DDX4: variants seen among roughly 807,000 people sequenced by gnomAD.
DDX4 encodes DEAD-box helicase 4, also known as probable ATP-dependent RNA helicase DDX4.
DDX4 carries 25 observed loss-of-function variants against 100.0 expected under a neutral mutation model. That is an observed-to-expected ratio of 0.25 (90% confidence interval 0.18 to 0.35). The LOEUF is 0.35. Ranked by LOEUF, DDX4 falls within the 10% of genes least tolerant of loss-of-function variation. The pLI is 1.00. For synonymous variants in DDX4, 259 were observed against 275.7 expected (o/e 0.94, Z 0.60); for missense variants, 635 against 882.4 (o/e 0.72, Z 3.55).
intron 17 of DDX4, among the ~76,000 whole-genome samples, chr5:55,796,930 C>T (rs942774634): frequency 7.0e-6 from 1 of 142,804 alleles, no homozygotes; most frequent in Non-Finnish European, 1.5e-5. Flanking sequence ...CCACCTTGAC[C>T]TCCCTGGCTG....
chr5:55,816,351 A>G, intron 21 of DDX4, 112 bp from the exon 22 acceptor site: 1 of 1,425,492 alleles, frequency 7.0e-7, no homozygotes, highest in South Asian at 1.6e-5. Flanking sequence ...TTTGGGGAAG[A>G]CATGGTAGAT....
At chr5:55,770,479 T>C (rs970677205) in intron 7 of DDX4, among the ~76,000 whole-genome samples, 1 of 152,338 alleles carries the variant, frequency 6.6e-6, no homozygotes, top group Admixed American at 6.5e-5. Context: ...TGGGCAGTCA[T>C]GTTAAAATAG....
chr5:55,738,908 C>G, intron 1 of DDX4, 42 bp from the exon 2 acceptor site: 1 of 1,037,320 alleles, frequency 9.6e-7, no homozygotes, highest in Non-Finnish European at 1.5e-6. Flanking sequence ...TGATTCTGAT[C>G]TAATTGAGTC....
chr5:55,793,225 G>A (rs1280022661), intron 17 of DDX4, among the ~76,000 whole-genome samples: 5 of 152,118 alleles, frequency 3.3e-5, no homozygotes, highest in Admixed American at 2.6e-4. Context: ...GCAGATATTT[G>A]AGGATCATGT....
At chr5:55,779,941 T>C (rs780334155) in intron 7 of DDX4, 23 bp from the exon 8 acceptor site, 4 of 1,608,210 alleles carry the variant, frequency 2.5e-6, no homozygotes, top group Middle Eastern at 1.7e-4. Flanking sequence ...TGTGTTGTTC[T>C]TGTGTGTGTT....
At position 55,746,151 on chromosome 5, in the gene DDX4, T is replaced by G. The variant is rs187345413; in HGVS notation, c.70-13T>G. 6 of 1,590,726 alleles carry G rather than the reference T, an allele frequency of 3.8e-6. No individual in the cohort carries two copies. In the East Asian group the frequency reaches 1.1e-4, roughly 30 times the overall value. On this transcript the variant is annotated splice_polypyrimidine_tract_variant and intron_variant, in intron 2 of 21. Transcript: ENST00000505374. ...AAGTAGGAAACTAGTTTTTTCTTTCTTCTTTCTCACAGGATAGGTATTCTG... is the reference window on the plus strand; with the variant it reads ...AAGTAGGAAACTAGTTTTTTCTTTCGTCTTTCTCACAGGATAGGTATTCTG...
chr5:55,752,248 A>G (rs901191763), intron 3 of DDX4, among the ~76,000 whole-genome samples: 2 of 150,898 alleles, frequency 1.3e-5, no homozygotes, highest in Non-Finnish European at 3.0e-5. Context: ...TTAGTTACAT[A>G]TGTATACATG....
At chr5:55,762,935 A>G (rs1177053178) in intron 4 of DDX4, among the ~76,000 whole-genome samples, 1 of 152,138 alleles carries the variant, frequency 6.6e-6, no homozygotes. Context: ...GGTCTCCAAT[A>G]TAATACCAAC....
At chr5:55,788,054 T>C (rs1024380553) in intron 15 of DDX4, 54 bp downstream of exon 15, 24 of 1,503,026 alleles carry the variant, frequency 1.6e-5, no homozygotes, top group Admixed American at 2.2e-5. Flanking sequence ...GAGATTTTTT[T>C]CCCCTCACTT....
Position 55,739,014 on chromosome 5 carries a change from T to C in DDX4, c.51T>C (p.Tyr17=). The part of the protein sequence containing the change: ...EAEINPHMSS[Y]VPIFEKDRYS... ...AAATCAACCCTCATATGTCTTCCTA[T>C]GTTCCCATATTTGAGAAGGTAATAA... Residue 17 remains tyrosine (Y), a synonymous_variant, in exon 2 of 22, where the codon TAT becomes TAC. Coordinates refer to ENST00000505374, the MANE Select transcript of DDX4 (RefSeq NM_024415.3). 6.3e-7 allele frequency: 1 copy of C among 1,596,714 alleles called. No homozygotes were observed. Among genetic ancestry groups the C allele is most frequent in the African/African-American group, 1.3e-5 (1 of 74,680 alleles).
chr5:55,760,328 A>G, intron 4 of DDX4, 51 bp downstream of exon 4: 1 of 1,490,978 alleles, frequency 6.7e-7, no homozygotes. Flanking sequence ...ATAATTGGAT[A>G]TATAGAGGCT....
chr5:55,747,051 C>T (rs746076707), intron 3 of DDX4, among the ~76,000 whole-genome samples: 6 of 151,984 alleles, frequency 3.9e-5, no homozygotes, highest in African/African-American at 7.2e-5. Flanking sequence ...TGAGGTCATT[C>T]GAGACCAGCT....
chr5:55,747,208 C>G (rs2111612884), intron 3 of DDX4, among the ~76,000 whole-genome samples: 1 of 152,168 alleles, frequency 6.6e-6, no homozygotes, highest in South Asian at 2.1e-4. Context: ...TGGTGAAACC[C>G]CGTCTCTACT....
At chr5:55,800,440 C>T (rs1363070751) in intron 18 of DDX4, among the ~76,000 whole-genome samples, 2 of 151,812 alleles carry the variant, frequency 1.3e-5, no homozygotes, top group Non-Finnish European at 2.9e-5. Flanking sequence ...TCTCCTGCCT[C>T]AGCCTCCTGA....
intron 17 of DDX4, among the ~76,000 whole-genome samples, chr5:55,793,399 A>AT (rs946637914): frequency 3.9e-5 from 6 of 152,036 alleles, no homozygotes; most frequent in South Asian, 2.1e-4. Flanking sequence ...AGATTTTATG[A>AT]TTTTTTTACT....
chr5:55,803,768 A>G (rs983039179), intron 18 of DDX4, among the ~76,000 whole-genome samples: 2 of 151,930 alleles, frequency 1.3e-5, no homozygotes, highest in African/African-American at 4.8e-5. Flanking sequence ...GCTATTGTGA[A>G]TAGTGCCTCA....
At position 55,796,908 on chromosome 5, in the gene DDX4, C is replaced by T. The variant is rs189782624; in HGVS notation, c.1470-1518C>T. Among the ~76,000 whole-genome samples the T allele has an allele frequency of 1.4e-4, 18 of 129,642 alleles. No individual in the cohort carries two copies. The East Asian group carries it at 4.4e-3, about 32-fold the overall frequency. 85.1% of individuals were successfully genotyped at this position (129,642 alleles called of 152,430 possible). A position where few individuals can be genotyped will look rare whatever the true frequency, so the allele number is the denominator to read the frequency against. On this transcript the variant is annotated intron_variant, in intron 17 of 21. Transcript: ENST00000505374. ...CCAGGCTGAAGTTCAGAGGCACAAT[C>T]ATGGTTCACTGCCACCTTGACCTCC...
At chr5:55,759,903 A>G (rs1258956217) in intron 3 of DDX4, among the ~76,000 whole-genome samples, 2 of 152,122 alleles carry the variant, frequency 1.3e-5, no homozygotes, top group Non-Finnish European at 2.9e-5. Flanking sequence ...AAATTTATTT[A>G]TTTTGTTATT....
At position 55,765,810 on chromosome 5, in the gene DDX4, A is replaced by G. The variant is rs184863637; in HGVS notation, c.334+1746A>G. On this transcript the variant is annotated intron_variant, in intron 6 of 21. Coordinates refer to ENST00000505374, the MANE Select transcript of DDX4 (RefSeq NM_024415.3). ...CCAGGTACATACTTTATGTGTTGTT[A>G]TTATTATTTTTCGAGACGGAGTCTC... Among the ~76,000 whole-genome samples the G allele has an allele frequency of 9.1e-3, 1,379 of 151,978 alleles. 5 individuals carry two copies. The highest frequency in any genetic ancestry group is 0.013 in the Non-Finnish European group (903 of 67,936).
Sources: allele counts gnomAD v4.1 joint callset (sites outside exome capture counted in the v4.1 genomes callset), GRCh38; gene constraint gnomAD v4.1.1; transcripts MANE v1.5; gene names NCBI Gene and HGNC (gene_info 2026-07-23, HGNC 2026-07-21).